The following NOC2L variants were observed in gnomAD, a reference collection of about 807,000 sequenced individuals.
The protein encoded by NOC2L is NOC2 like nucleolar associated transcriptional repressor.
Under a neutral mutation model 94.2 loss-of-function variants are expected in NOC2L, and 101 were observed. The observed-to-expected ratio is 1.07, with a 90% CI of 0.91 to 1.26. The LOEUF (loss-of-function observed/expected upper bound fraction) is 1.26. NOC2L is among the 50% of genes most tolerant of loss of function. NOC2L has a pLI of 0.00. For synonymous variants in NOC2L, 531 were observed against 413.4 expected (o/e 1.28, Z -3.45); for missense variants, 1,076 against 980.1 (o/e 1.10, Z -1.31).
intron 8 of NOC2L, 60 bp from the exon 9 acceptor site, chr1:953,348 GC>G: frequency 1.0e-6 from 1 of 991,354 alleles, no homozygotes; most frequent in Non-Finnish European, 1.6e-6. Context: ...ATGCCCCAGG[GC>G]CAGCACAGCC....
chr1:951,975 C>T (rs1459257458), intron 11 of NOC2L, 25 bp downstream of exon 11: 1 of 1,602,312 alleles, frequency 6.2e-7, no homozygotes, highest in Admixed American at 1.7e-5. Flanking sequence ...CCCTCCCGCA[C>T]AACCCTGCCC....
In NOC2L at chr1:945,069, T is replaced by C. The variant is rs749054355; in HGVS notation, c.2131A>G (p.Ser711Gly). The C allele has an allele frequency of 1.2e-6, 2 of 1,613,940 alleles. No homozygotes were observed. Among genetic ancestry groups the C allele is most frequent in the East Asian group, 2.2e-5 (1 of 44,884 alleles). Residue 711 changes from serine (S) to glycine (G), a missense_variant, in exon 18 of 19, where the codon AGC becomes GGC. Physicochemically the swap from Ser to Gly is moderately conservative, Grantham distance 56. Transcript: ENST00000327044. ...EDEEEGEEDS[S>G]NSEDGDPDAE... Reference sequence around the variant, plus strand: ...CAAGACCATTCACCCTCCGAGTTGCTGCTGTCCTCCTCGCCCTCCTCCTCG... The same window carrying C: ...CAAGACCATTCACCCTCCGAGTTGCCGCTGTCCTCCTCGCCCTCCTCCTCG...
rs1360904860 is a variant in NOC2L at position 944,328 on chromosome 1, G to A, written c.*366C>T. 1.2e-5 allele frequency: 16 copies of A among 1,385,004 alleles called. 1 individual carries two copies. The highest frequency in any genetic ancestry group is 3.7e-5 in the South Asian group (2 of 54,310). The allele number at this position is 1,385,004 out of a possible 1,614,324, so 85.8% of individuals were successfully genotyped here. ...ATTTTCAAAGACTTGGGGGAGTGAAGGCAGAGCCTGGTGCAGATGGACGAG... is the reference window on the plus strand; with the variant it reads ...ATTTTCAAAGACTTGGGGGAGTGAAAGCAGAGCCTGGTGCAGATGGACGAG... On this transcript the variant is annotated 3_prime_UTR_variant, in exon 19 of 19. Transcript: ENST00000327044.
intron 11 of NOC2L, among the ~76,000 whole-genome samples, chr1:951,630 T>C (rs1642262859): frequency 6.6e-6 from 1 of 152,212 alleles, no homozygotes; most frequent in African/African-American, 2.4e-5. Flanking sequence ...CTACCGTGCC[T>C]GGACCCTCCT....
In NOC2L at chr1:948,488, A is replaced by ACCCG; in HGVS notation, c.1555_1557+1dup. On this transcript the variant is annotated splice_donor_variant, in intron 13 of 18. Transcript: ENST00000327044. LOFTEE classifies it high-confidence loss of function. ...GGCCCCTCCCCAGGAGGCCAGCCTC[A>ACCCG]CCCGGTACGCCTTCTCCTGCAGGTT... 6.2e-7 allele frequency: 1 copy of ACCCG among 1,610,314 alleles called. No individual in the cohort carries two copies. The highest frequency in any genetic ancestry group is 1.7e-4 in the Middle Eastern group (1 of 6,050).
In NOC2L at chr1:957,120, G is replaced by C. The variant is rs756369231; in HGVS notation, c.333C>G (p.His111Gln). ...TCACCTCCAGCACATCTGGCAGGGAGTGGAACGGCCCCTCTTCCTCCTCAG... is the reference window on the plus strand; with the variant it reads ...TCACCTCCAGCACATCTGGCAGGGACTGGAACGGCCCCTCTTCCTCCTCAG... ...DSSEEEEGPF[H>Q]SLPDVLEEAS... Residue 111 changes from histidine to glutamine, a missense_variant, in exon 3 of 19, where the codon CAC becomes CAG. This residue lies in a region of NOC2L where 457 missense variants were observed against 386.0 expected (regional missense o/e 1.18). Coordinates refer to ENST00000327044, the MANE Select transcript of NOC2L (RefSeq NM_015658.4). 3.7e-6 allele frequency: 6 copies of C among 1,614,080 alleles called. No individual in the cohort carries two copies. The highest frequency in any genetic ancestry group is 5.1e-6 in the Non-Finnish European group (6 of 1,180,038).
Position 944,340 on chromosome 1 carries a change from T to G in NOC2L, c.*354A>C. 7.3e-7 allele frequency: 1 copy of G among 1,378,524 alleles called. No homozygotes were observed. The highest frequency in any genetic ancestry group is 9.3e-7 in the Non-Finnish European group (1 of 1,073,784). The allele number at this position is 1,378,524 out of a possible 1,614,324, so 85.4% of individuals were successfully genotyped here. A position where few individuals can be genotyped will look rare whatever the true frequency, so the allele number is the denominator to read the frequency against. ...TTGGGGGAGTGAAGGCAGAGCCTGG[T>G]GCAGATGGACGAGGTCTGCAGACGG... On this transcript the variant is annotated 3_prime_UTR_variant, in exon 19 of 19. Coordinates refer to ENST00000327044, the MANE Select transcript of NOC2L (RefSeq NM_015658.4).
chr1:954,165 C>CCAGCATA, intron 6 of NOC2L, 83 bp from the exon 7 acceptor site: 1 of 1,332,456 alleles, frequency 7.5e-7, no homozygotes, highest in Non-Finnish European at 1.1e-6. Context: ...CGTGCCCTGG[C>CCAGCATA]CAGCATAGCC....
intron 14 of NOC2L, 66 bp downstream of exon 14, chr1:948,065 G>A: frequency 3.8e-6 from 5 of 1,320,696 alleles, no homozygotes; most frequent in Non-Finnish European, 5.3e-6. Flanking sequence ...CTACCAGCCT[G>A]GGGCAGCCAA....
Position 955,931 on chromosome 1 carries a change from A to G in NOC2L, c.690T>C (p.Asp230=), listed in dbSNP as rs1416203772. The stretch of plus-strand genomic sequence containing the variant: ...ACCCCCTCCCCTCTTACCTGCTGCT[A>G]TCCTTTGCCACCTTTCCAAACAGCA... The part of the protein sequence containing the change: ...QKLLFGKVAK[D]SSRMLQPSSS... Residue 230 remains aspartate (D), a synonymous_variant, in exon 6 of 19, where the codon GAT becomes GAC. Transcript: ENST00000327044. The G allele has an allele frequency of 6.2e-7, 1 of 1,604,750 alleles. No individual in the cohort carries two copies. Among genetic ancestry groups the G allele is most frequent in the Non-Finnish European group, 8.5e-7 (1 of 1,175,298 alleles).
Position 957,533 on chromosome 1 carries a change from G to A in NOC2L, c.180-260C>T, listed in dbSNP as rs1158590001. Reference sequence around the variant, plus strand: ...CCCTGCGCTACACAGGCCCCCAGCCGCGGTCTTCCCTGGACTTGCTGTGCC... The same window carrying A: ...CCCTGCGCTACACAGGCCCCCAGCCACGGTCTTCCCTGGACTTGCTGTGCC... On this transcript the variant is annotated intron_variant, in intron 2 of 18. Transcript: ENST00000327044. 10 of 485,084 alleles carry A rather than the reference G, an allele frequency of 2.1e-5. No individual in the cohort carries two copies. In the East Asian group the frequency reaches 2.1e-4, roughly 10 times the overall value. The allele number at this position is 485,084 out of a possible 1,614,324, so 30.0% of individuals were successfully genotyped here.
In NOC2L at chr1:944,359, C is replaced by A; in HGVS notation, c.*335G>T. 7.3e-7 allele frequency: 1 copy of A among 1,363,350 alleles called. No homozygotes were observed. Among genetic ancestry groups the A allele is most frequent in the Non-Finnish European group, 9.4e-7 (1 of 1,064,956 alleles). 84.5% of individuals were successfully genotyped at this position (1,363,350 alleles called of 1,614,324 possible). A position where few individuals can be genotyped will look rare whatever the true frequency, so the allele number is the denominator to read the frequency against. ...GCCTGGTGCAGATGGACGAGGTCTG[C>A]AGACGGAGGGCAGAGGTGGTGGAAG... On this transcript the variant is annotated 3_prime_UTR_variant, in exon 19 of 19. Transcript: ENST00000327044.
At chr1:955,751 A>C (rs931201347) in intron 6 of NOC2L, among the ~76,000 whole-genome samples, 172 bp downstream of exon 6, 8 of 152,182 alleles carry the variant, frequency 5.3e-5, no homozygotes, top group African/African-American at 1.9e-4. Context: ...ACTGGCCCCA[A>C]GTGCCCAGCC....
At chr1:951,887 A>G (rs925256933) in intron 11 of NOC2L, 113 bp downstream of exon 11, 4 of 1,225,438 alleles carry the variant, frequency 3.3e-6, no homozygotes, top group Non-Finnish European at 4.5e-6. Flanking sequence ...AGGGACGGCC[A>G]GGACACAGAC....
At chr1:955,235 G>A (rs932322589) in intron 6 of NOC2L, among the ~76,000 whole-genome samples, 7 of 152,174 alleles carry the variant, frequency 4.6e-5, no homozygotes, top group Non-Finnish European at 1.0e-4. Context: ...GTCCAGCCCC[G>A]ACCACTACCA....
chr1:948,259 G>T, intron 13 of NOC2L, 27 bp from the exon 14 acceptor site: 1 of 1,532,162 alleles, frequency 6.5e-7, no homozygotes, highest in Non-Finnish European at 8.9e-7. Context: ...AGGGCCGAGT[G>T]CATCAGGGAG....
At position 952,032 on chromosome 1, in the gene NOC2L, G is replaced by A; in HGVS notation, c.1299C>T (p.Tyr433=). 4 of 1,613,436 alleles carry A rather than the reference G, an allele frequency of 2.5e-6. No homozygotes were observed. The highest frequency in any genetic ancestry group is 3.4e-6 in the Non-Finnish European group (4 of 1,179,788). ...AGCCAATGATGACTTGGGCAAGGGG[G>A]TAGACCAAGGGCTGGAGGGCTTCGC... ...GPSEALQPLV[Y]PLAQVIIGCI... is the part of the protein sequence containing the mutation. Residue 433 remains tyrosine, a synonymous_variant, in exon 11 of 19, where the codon TAC becomes TAT. Transcript: ENST00000327044.
intron 2 of NOC2L, 150 bp from the exon 3 acceptor site, chr1:957,423 C>T (rs1642441592): frequency 5.8e-6 from 4 of 690,778 alleles, no homozygotes; most frequent in African/African-American, 5.4e-5. Context: ...CTCACGTCTC[C>T]TACCCAACAA....
chr1:953,304 C>T lies in NOC2L; in HGVS notation c.889-16G>A, dbSNP rs368380119. 1.4e-4 allele frequency: 205 copies of T among 1,469,514 alleles called. 1 individual carries two copies. The highest frequency in any genetic ancestry group is 1.4e-3 in the South Asian group (120 of 87,990). 91.0% of individuals were successfully genotyped at this position (1,469,514 alleles called of 1,614,324 possible). A position where few individuals can be genotyped will look rare whatever the true frequency, so the allele number is the denominator to read the frequency against. Reference sequence around the variant, plus strand: ...TCACCATTCTCTGCAGAAGGTCAGACGTCACTGGTGGCCCCCCAGCCTCCT... The same window carrying T: ...TCACCATTCTCTGCAGAAGGTCAGATGTCACTGGTGGCCCCCCAGCCTCCT... On this transcript the variant is annotated splice_polypyrimidine_tract_variant and intron_variant, in intron 8 of 18. Transcript: ENST00000327044.
Sources: allele counts gnomAD v4.1 joint callset (sites outside exome capture counted in the v4.1 genomes callset), GRCh38; gene constraint gnomAD v4.1.1; regional missense constraint gnomAD v4.1.1; transcripts MANE v1.5; gene names NCBI Gene and HGNC (gene_info 2026-07-23, HGNC 2026-07-21).